Variants in COBL observed in about 807,000 individuals in gnomAD.
COBL encodes the protein protein cordon-bleu.
COBL carries 51 observed loss-of-function variants against 98.8 expected under a neutral mutation model. That is an observed-to-expected ratio of 0.52 (90% CI 0.41 to 0.65). The LOEUF is 0.65. Ranked by LOEUF, COBL falls within the 30% of genes least tolerant of loss-of-function variation. The probability of loss-of-function intolerance (pLI) is 0.00; values close to 1 mark genes in which losing one functional copy is unlikely to be tolerated. For missense variants in COBL, 1,617 were observed against 1,617.5 expected (o/e 1.00, Z 0.01); for synonymous variants, 634 against 651.7 (o/e 0.97, Z 0.41).
At chr7:51,103,977 A>G (rs1468473785) in intron 6 of COBL, among the ~76,000 whole-genome samples, 1 of 152,248 alleles carries the variant, frequency 6.6e-6, no homozygotes. Flanking sequence ...TTGTCACCAA[A>G]GTTATCTAAT....
At chr7:51,159,065 G>A (rs774243604) in intron 5 of COBL, among the ~76,000 whole-genome samples, 18 of 152,158 alleles carry the variant, frequency 1.2e-4, no homozygotes, top group Admixed American at 5.2e-4. Flanking sequence ...CAAGACACAC[G>A]AAGAGCTGGC....
intron 6 of COBL, among the ~76,000 whole-genome samples, chr7:51,128,421 C>G (rs1053273226): frequency 4.0e-5 from 6 of 149,894 alleles, no homozygotes; most frequent in African/African-American, 1.5e-4. Flanking sequence ...ATTGGAAGAC[C>G]AAACTGAGTG....
chr7:51,107,519 G>A (rs1437364166), intron 6 of COBL, among the ~76,000 whole-genome samples: 1 of 152,126 alleles, frequency 6.6e-6, no homozygotes, highest in East Asian at 1.9e-4. Context: ...TATTTGTTAA[G>A]GATTAATTTT....
intron 7 of COBL, among the ~76,000 whole-genome samples, chr7:51,080,080 C>A (rs1490142923): frequency 1.3e-5 from 2 of 152,124 alleles, no homozygotes; most frequent in Non-Finnish European, 2.9e-5. Context: ...TGGCAGTAGG[C>A]CTACTGGGAC....
At chr7:51,130,210 A>G (rs1330198889) in intron 6 of COBL, among the ~76,000 whole-genome samples, 5 of 151,854 alleles carry the variant, frequency 3.3e-5, no homozygotes, top group Non-Finnish European at 7.4e-5. Context: ...AAACTGAAGG[A>G]CTCTCTCTAC....
At chr7:51,242,530 G>A (rs1390778374) in intron 1 of COBL, among the ~76,000 whole-genome samples, 7 of 152,110 alleles carry the variant, frequency 4.6e-5, no homozygotes, top group Non-Finnish European at 1.0e-4. Context: ...GTATAAAAAA[G>A]GTGCCAGAAA....
chr7:51,033,610 T>TTAAG (rs762700471), intron 8 of COBL: 7 of 152,372 alleles, frequency 4.6e-5, no homozygotes, highest in Middle Eastern at 3.4e-3. Context: ...CCAGCATGAC[T>TTAAG]TAAGGAAAAG....
intron 7 of COBL, among the ~76,000 whole-genome samples, chr7:51,084,427 T>G (rs968219371): frequency 1.1e-4 from 17 of 152,142 alleles, no homozygotes; most frequent in Non-Finnish European, 2.9e-5. Context: ...GGCTGCCATT[T>G]TCCAACCACT....
chr7:51,223,616 C>T (rs759101728), intron 1 of COBL, among the ~76,000 whole-genome samples: 8 of 152,166 alleles, frequency 5.3e-5, no homozygotes, highest in Non-Finnish European at 1.0e-4. Context: ...CCAACCAGTC[C>T]CCCAACTGCC....
At chr7:51,031,300 G>T in intron 8 of COBL, 1 of 184,852 alleles carries the variant, frequency 5.4e-6, no homozygotes, top group Non-Finnish European at 1.1e-5. Context: ...ACGTGATCCA[G>T]GATTTGCTTG....
intron 6 of COBL, among the ~76,000 whole-genome samples, chr7:51,122,661 T>C (rs191379522): frequency 6.6e-6 from 1 of 152,342 alleles, no homozygotes; most frequent in East Asian, 1.9e-4. Flanking sequence ...ATGGCAGATA[T>C]GCTTTACATC....
rs576940243 is a variant in COBL at position 51,066,960 on chromosome 7, T to C, written c.1096+18206A>G. On this transcript the variant is annotated intron_variant, in intron 7 of 12. Transcript: ENST00000265136. ...ATTCATTTAAACAACTAACTGGCCA[T>C]ATTCTCTTTAATCTTTAAATCTCTT... 5.0e-4 allele frequency among the ~76,000 whole-genome samples: 76 copies of C among 152,348 alleles called. No homozygotes were observed. The South Asian group carries it at 0.016, about 31-fold the overall frequency.
At position 51,243,370 on chromosome 7, in the gene COBL, C is replaced by T. The variant is rs115545691; in HGVS notation, c.42-23426G>A. Reference sequence around the variant, plus strand: ...GGTTCCAGTGGTGACACAGGGGTGACGGTGATGTCACTGCCCTCATGGGAC... The same window carrying T: ...GGTTCCAGTGGTGACACAGGGGTGATGGTGATGTCACTGCCCTCATGGGAC... On this transcript the variant is annotated intron_variant, in intron 1 of 12. Coordinates refer to ENST00000265136, the MANE Select transcript of COBL (RefSeq NM_015198.5). Among the ~76,000 whole-genome samples the T allele has an allele frequency of 6.9e-3, 1,049 of 152,258 alleles. 12 individuals carry two copies. The highest frequency in any genetic ancestry group is 0.024 in the African/African-American group (1,006 of 41,560).
rs71018500 is a variant in COBL, at chr7:51,222,192, A to AAATAATAATAAT, written c.42-2260_42-2249dup. Among the ~76,000 whole-genome samples the AAATAATAATAAT allele has an allele frequency of 4.2e-3, 627 of 149,996 alleles. 2 individuals carry two copies. The highest frequency in any genetic ancestry group is 6.5e-3 in the Non-Finnish European group (436 of 67,334). On this transcript the variant is annotated intron_variant, in intron 1 of 12. Transcript: ENST00000265136. ...CAACAAGAGTGAAACTCCGTCTCAA[A>AAATAATAATAAT]AATAATAATAATAATAATAAAATAA...
chr7:51,059,480 G>GT (rs923689376), intron 7 of COBL, among the ~76,000 whole-genome samples: 55 of 152,332 alleles, frequency 3.6e-4, no homozygotes, highest in African/African-American at 1.3e-3. Flanking sequence ...AAGAACAAAT[G>GT]TGATTATGTG....
chr7:51,088,001 G>A (rs963274396), intron 6 of COBL, among the ~76,000 whole-genome samples: 5 of 152,004 alleles, frequency 3.3e-5, no homozygotes, highest in African/African-American at 1.2e-4. Context: ...CTCCTAGTTT[G>A]GAACTGTTCA....
chr7:51,017,572 C>T lies in COBL; in HGVS notation c.3769-4G>A, dbSNP rs752152524. ...TCATTCACACGAGCAAGGGCACCTGCAGGGAAGAGAGATTCACAGTTATTT... is the reference window on the plus strand; with the variant it reads ...TCATTCACACGAGCAAGGGCACCTGTAGGGAAGAGAGATTCACAGTTATTT... On this transcript the variant is annotated splice_region_variant and splice_polypyrimidine_tract_variant and intron_variant, in intron 12 of 12. Transcript: ENST00000265136. The T allele has an allele frequency of 6.8e-6, 11 of 1,613,948 alleles. No homozygotes were observed. The South Asian group carries it at 1.1e-4, about 16-fold the overall frequency.
intron 8 of COBL, among the ~76,000 whole-genome samples, chr7:51,039,921 A>T (rs1050004447): frequency 1.3e-5 from 2 of 152,218 alleles, no homozygotes; most frequent in Non-Finnish European, 2.9e-5. Context: ...ACAGGGTGAC[A>T]GTTGGACAGA....
At chr7:51,033,836 T>C (rs767102623) in intron 8 of COBL, 3 of 152,228 alleles carry the variant, frequency 2.0e-5, no homozygotes, top group Non-Finnish European at 4.4e-5. Flanking sequence ...CCTAGCAATC[T>C]TAGTGCGTGG....
Sources: gnomAD v4.1 joint callset for allele counts (sites outside exome capture counted in the v4.1 genomes callset) on GRCh38, gnomAD v4.1.1 for gene constraint, MANE v1.5 for transcripts, NCBI Gene and HGNC (gene_info 2026-07-23, HGNC 2026-07-21) for gene names.